PTPN22: variants seen among roughly 807,000 people sequenced by gnomAD.
The protein encoded by PTPN22 is protein tyrosine phosphatase non-receptor type 22.
PTPN22 carries 85 observed loss-of-function variants against 103.3 expected under a neutral mutation model. The observed-to-expected ratio is 0.82, with a 90% CI of 0.69 to 0.99. The LOEUF is 0.99. Ranked by LOEUF, PTPN22 falls within the 50% of genes least tolerant of loss-of-function variation. The pLI, the probability that PTPN22 is intolerant of heterozygous loss-of-function variation, is 0.00. For synonymous variants in PTPN22, 323 were observed against 310.2 expected (o/e 1.04, Z -0.43); for missense variants, 865 against 936.9 (o/e 0.92, Z 1.00).
exon 21 of PTPN22, chr1:113,814,878 C>A (rs1308809997): frequency 3.3e-6 from 5 of 1,514,634 alleles, no homozygotes; most frequent in Non-Finnish European, 4.6e-6. Flanking sequence ...TACTTGCAGC[C>A]CATATTATTA....
intron 1 of PTPN22, among the ~76,000 whole-genome samples, chr1:113,863,497 T>G (rs900455838): frequency 6.6e-6 from 1 of 152,226 alleles, no homozygotes; most frequent in Non-Finnish European, 1.5e-5. Context: ...TCAGAGGTGA[T>G]GTGATACATT....
intron 17 of PTPN22, 118 bp from the exon 18 acceptor site, chr1:113,829,825 G>A (rs1166630894): frequency 1.7e-6 from 2 of 1,196,268 alleles, no homozygotes; most frequent in South Asian, 2.7e-5. Context: ...ATATATTAGG[G>A]GCTTTTAAAA....
intron 20 of PTPN22, among the ~76,000 whole-genome samples, chr1:113,818,953 ACT>A (rs1661371475): frequency 6.6e-6 from 1 of 152,118 alleles, no homozygotes; most frequent in South Asian, 2.1e-4. Context: ...GAGGCCTCAC[ACT>A]CTTTCAAGGG....
rs572544778 is a variant in PTPN22 at position 113,825,197 on chromosome 1, GT to G, written c.2251-26del. 6.3e-4 allele frequency: 887 copies of G among 1,409,520 alleles called. 4 individuals are homozygous for G. In the African/African-American group the frequency reaches 9.4e-3, roughly 15 times the overall value. 87.3% of individuals were successfully genotyped at this position (1,409,520 alleles called of 1,614,324 possible). ...TCTACAAAAGAAAGGAAAAATGTTA[GT>G]TTTTTTTCCTGTGAAACTTGAAATA... On this transcript the variant is annotated intron_variant, in intron 18 of 20. Coordinates refer to ENST00000359785, the Ensembl canonical transcript of PTPN22.
At chr1:113,830,831 A>G (rs1662485210) in intron 16 of PTPN22, among the ~76,000 whole-genome samples, 2 of 152,170 alleles carry the variant, frequency 1.3e-5, no homozygotes, top group Non-Finnish European at 1.5e-5. Context: ...TATTACTATT[A>G]TATTAATTCC....
Position 113,852,008 on chromosome 1 carries a change from C to G in PTPN22, c.828+19G>C, listed in dbSNP as rs74163651. ...CAAGACTCAGACACATGTTCTGATC[C>G]ATTCACTATAGTTCATACCTGCGTT... On this transcript the variant is annotated intron_variant, in intron 10 of 20. Coordinates refer to ENST00000359785, the Ensembl canonical transcript of PTPN22. 1.2e-3 allele frequency: 1,827 copies of G among 1,573,440 alleles called. 2 individuals carry two copies. Among genetic ancestry groups the G allele is most frequent in the South Asian group, 3.4e-3 (308 of 89,396 alleles).
intron 1 of PTPN22, among the ~76,000 whole-genome samples, chr1:113,868,605 A>G (rs1239949616): frequency 6.6e-6 from 1 of 152,192 alleles, no homozygotes; most frequent in East Asian, 1.9e-4. Context: ...GTCAGTGAAC[A>G]GTGAGGTTAC....
At position 113,857,785 on chromosome 1, in the gene PTPN22, T is replaced by C; in HGVS notation, c.370-9A>G. ...CATGCCATAACAATGATCTGGGGGA[T>C]GAAATAGATAGAAACTTAAACATTC... On this transcript the variant is annotated splice_polypyrimidine_tract_variant and intron_variant, in intron 4 of 20. Coordinates refer to ENST00000359785, the Ensembl canonical transcript of PTPN22. 1 of 1,606,526 alleles carries C rather than the reference T, an allele frequency of 6.2e-7. No homozygotes were observed. The highest frequency in any genetic ancestry group is 8.5e-7 in the Non-Finnish European group (1 of 1,175,826).
intron 11 of PTPN22, among the ~76,000 whole-genome samples, chr1:113,847,560 T>C (rs1664201877): frequency 6.6e-6 from 1 of 150,858 alleles, no homozygotes; most frequent in Non-Finnish European, 1.5e-5. Context: ...TGAATCTTAG[T>C]TAAGCCTTCT....
chr1:113,818,233 C>T (rs1661318568), intron 20 of PTPN22, among the ~76,000 whole-genome samples: 1 of 151,780 alleles, frequency 6.6e-6, no homozygotes, highest in South Asian at 2.1e-4. Context: ...GGCGCAATCT[C>T]AGCTCACTGC....
At position 113,838,055 on chromosome 1, in the gene PTPN22, ATTTGGTCCGTGTTATTGGCACC is replaced by A; in HGVS notation, c.1323_1344del (p.Lys441AsnfsTer7). The A allele has an allele frequency of 6.2e-7, 1 of 1,613,822 alleles. No individual in the cohort carries two copies. Among genetic ancestry groups the A allele is most frequent in the Admixed American group, 1.7e-5 (1 of 60,006 alleles). The stretch of plus-strand genomic sequence containing the variant: ...TGCTGTATCAATTCAAAAGGAGTTG[ATTTGGTCCGTGTTATTGGCACC>A]TTTGAATTAAAATATCTTCCTGCTG... On this transcript the variant is annotated frameshift_variant, in exon 13 of 21. Transcript: ENST00000359785. LOFTEE classifies it high-confidence loss of function.
intron 10 of PTPN22, among the ~76,000 whole-genome samples, chr1:113,851,745 T>C (rs1191890095): frequency 6.6e-6 from 1 of 152,242 alleles, no homozygotes; most frequent in Non-Finnish European, 1.5e-5. Flanking sequence ...TGTTGAATAC[T>C]TTTACAACAT....
rs11386228 is a variant in PTPN22, at chr1:113,857,573, G to GAA, written c.408+163_408+164dup. 3,396 of 507,858 alleles carry GAA rather than the reference G, an allele frequency of 6.7e-3. 1 individual carries two copies. The highest frequency in any genetic ancestry group is 0.012 in the African/African-American group (591 of 49,298). The allele number at this position is 507,858 out of a possible 1,614,324, so 31.5% of individuals were successfully genotyped here. On this transcript the variant is annotated intron_variant, in intron 5 of 20. Transcript: ENST00000359785. ...AAACAAACAAATAGGATTCTTAGGAGAAAAAAAAAATCCTCTGAGAATCAC... is the reference window on the plus strand; with the variant it reads ...AAACAAACAAATAGGATTCTTAGGAGAAAAAAAAAAAATCCTCTGAGAATCAC...
intron 11 of PTPN22, among the ~76,000 whole-genome samples, chr1:113,844,941 C>T (rs1486687168): frequency 6.6e-6 from 1 of 152,120 alleles, no homozygotes; most frequent in Non-Finnish European, 1.5e-5. Flanking sequence ...ACCTCAGCCC[C>T]CTGAGTAGCT....
At chr1:113,854,627 T>A in intron 8 of PTPN22, 90 bp from the exon 9 acceptor site, 1 of 1,317,048 alleles carries the variant, frequency 7.6e-7, no homozygotes, top group South Asian at 1.2e-5. Flanking sequence ...CCAGCAGATT[T>A]GAGGAAGAAG....
chr1:113,863,143 A>G (rs1201690601), intron 1 of PTPN22, among the ~76,000 whole-genome samples: 1 of 152,152 alleles, frequency 6.6e-6, no homozygotes, highest in East Asian at 1.9e-4. Context: ...CCCAGCAGAG[A>G]GTTCAGTGGC....
intron 20 of PTPN22, chr1:113,815,555 T>C (rs746829729): frequency 6.6e-6 from 1 of 152,306 alleles, no homozygotes; most frequent in Non-Finnish European, 1.5e-5. Context: ...AGAAAATTTT[T>C]CACAACTAAT....
intron 9 of PTPN22, among the ~76,000 whole-genome samples, chr1:113,853,399 G>A (rs1447774629): frequency 2.9e-5 from 4 of 137,574 alleles, no homozygotes; most frequent in African/African-American, 5.5e-5. Flanking sequence ...TGCCCAAGCT[G>A]GAGTACAATG....
chr1:113,830,508 T>C (rs924698498), intron 16 of PTPN22, among the ~76,000 whole-genome samples: 1 of 152,144 alleles, frequency 6.6e-6, no homozygotes, highest in African/African-American at 2.4e-5. Context: ...CTGTTACAGA[T>C]TTCAAAAGAC....
Sources: allele counts gnomAD v4.1 joint callset (sites outside exome capture counted in the v4.1 genomes callset), GRCh38; gene constraint gnomAD v4.1.1; transcripts MANE v1.5; gene names NCBI Gene and HGNC (gene_info 2026-07-23, HGNC 2026-07-21).